SLC4A1: variants seen among roughly 807,000 people sequenced by gnomAD.
The protein encoded by SLC4A1 is band 3 anion transport protein.
In SLC4A1, 29 loss-of-function variants were observed where a neutral mutation model predicts 93.1. That is an observed-to-expected ratio of 0.31 (90% CI 0.23 to 0.42). The LOEUF (loss-of-function observed/expected upper bound fraction) is 0.42. Ranked by LOEUF, SLC4A1 falls within the 20% of genes least tolerant of loss-of-function variation. The probability of loss-of-function intolerance (pLI) is 1.00; values close to 1 mark genes in which losing one functional copy is unlikely to be tolerated. For missense variants in SLC4A1, 965 were observed against 1,190.1 expected (o/e 0.81, Z 2.78); for synonymous variants, 469 against 497.2 (o/e 0.94, Z 0.76).
Position 44,253,137 on chromosome 17 carries a change from G to A in SLC4A1, c.2292C>T (p.Leu764=). 7 of 1,612,720 alleles carry A rather than the reference G, an allele frequency of 4.3e-6. No homozygotes were observed. The highest frequency in any genetic ancestry group is 5.1e-6 in the Non-Finnish European group (6 of 1,180,034). ...ACTCACCCACAAGCACAGCGACCAG[G>A]AGTCCACTGATCCGCTGCTCTTTGA... is the stretch of plus-strand genomic sequence containing the variant. The part of the protein sequence containing the change: ...QEVKEQRISG[L]LVAVLVGLSI... The change falls in exon 17 of 20, where the codon CTC becomes CTT. Residue 764 remains leucine (L), a synonymous_variant. Transcript: ENST00000262418.
intron 6 of SLC4A1, 133 bp downstream of exon 6, chr17:44,260,271 C>T: frequency 8.7e-7 from 1 of 1,145,998 alleles, no homozygotes; most frequent in Non-Finnish European, 1.3e-6. Flanking sequence ...GAGATGGGAG[C>T]CATAGTGGAG....
chr17:44,259,294 CCTG>C lies in SLC4A1; in HGVS notation c.742_744del (p.Gln248del). ...TCCACCGCCTCCAGCTCCGCTGCCT[CCTG>C]CAGCCTCACGAAGCCCAGCACCGGC... On this transcript the variant is annotated inframe_deletion, in exon 9 of 20. Transcript: ENST00000262418. 6.2e-7 allele frequency: 1 copy of C among 1,613,960 alleles called. No individual in the cohort carries two copies. Among genetic ancestry groups the C allele is most frequent in the African/African-American group, 1.3e-5 (1 of 75,042 alleles).
intron 13 of SLC4A1, 51 bp from the exon 14 acceptor site, chr17:44,255,897 T>C: frequency 1.9e-6 from 3 of 1,573,546 alleles, no homozygotes; most frequent in Non-Finnish European, 2.6e-6. Flanking sequence ...TGGCTTGGGC[T>C]GGAAAATACC....
rs2047323946 is a variant in SLC4A1, at chr17:44,249,938, A to G, written c.*520T>C. 1 of 182,150 alleles carries G rather than the reference A, an allele frequency of 5.5e-6. No individual in the cohort carries two copies. The highest frequency in any genetic ancestry group is 2.4e-5 in the African/African-American group (1 of 42,472). 11.3% of individuals were successfully genotyped at this position (182,150 alleles called of 1,614,324 possible). On this transcript the variant is annotated 3_prime_UTR_variant, in exon 20 of 20. Coordinates refer to ENST00000262418, the MANE Select transcript of SLC4A1 (RefSeq NM_000342.4). ...CGTTCAAAGACAAATGATGACTGCTATAGAACAGTCCCTGTGGAGTTTACA... is the reference window on the plus strand; with the variant it reads ...CGTTCAAAGACAAATGATGACTGCTGTAGAACAGTCCCTGTGGAGTTTACA...
intron 7 of SLC4A1, 92 bp from the exon 8 acceptor site, chr17:44,259,673 C>T: frequency 6.5e-7 from 1 of 1,534,460 alleles, no homozygotes; most frequent in Admixed American, 1.7e-5. Flanking sequence ...CTTCCCAACT[C>T]TCCTGGCACC....
intron 16 of SLC4A1, 140 bp downstream of exon 16, chr17:44,254,356 C>G: frequency 1.3e-6 from 1 of 762,744 alleles, no homozygotes; most frequent in Non-Finnish European, 2.2e-6. Context: ...CCTGGCTTTT[C>G]ACTATTCCTG....
rs2144617146 is a variant in SLC4A1 at position 44,259,278 on chromosome 17, T to C, written c.761A>G (p.Glu254Gly). 13 of 1,613,928 alleles carry C rather than the reference T, an allele frequency of 8.1e-6. No homozygotes were observed. The highest frequency in any genetic ancestry group is 1.7e-4 in the Middle Eastern group (1 of 6,060). Reference protein sequence around the residue: ...FVRLQEAAELEAVELPVPIRF... With the variant: ...FVRLQEAAELGAVELPVPIRF... ...TATAGGCACCGGCAGCTCCACCGCC[T>C]CCAGCTCCGCTGCCTCCTGCAGCCT... Residue 254 changes from glutamate (E) to glycine (G), a missense_variant, in exon 9 of 20, where the codon GAG (glutamate) becomes GGG (glycine). Around this residue, in one of 2 missense-constraint regions of SLC4A1, gnomAD observed 770 missense variants for 1,006.6 expected, o/e 0.76. Transcript: ENST00000262418.
At position 44,261,632 on chromosome 17, in the gene SLC4A1, G is replaced by A. The variant is rs777896551; in HGVS notation, c.111C>T (p.His37=). 1.9e-5 allele frequency: 30 copies of A among 1,613,996 alleles called. No homozygotes were observed. The East Asian group carries it at 2.0e-4, about 11-fold the overall frequency. ...AGTCTGTGGCTGTTGCCTCGGTGTC[G>A]TGAGCTGAAAACCAGAGGTCGGTTA... The part of the protein sequence containing the change: ...PESQMEEPAA[H]DTEATATDYH... Residue 37 remains histidine, a synonymous_variant, in exon 4 of 20, where the codon CAC becomes CAT. Coordinates refer to ENST00000262418, the MANE Select transcript of SLC4A1 (RefSeq NM_000342.4).
At chr17:44,255,136 A>C in intron 15 of SLC4A1, 71 bp downstream of exon 15, 31 of 980,058 alleles carry the variant, frequency 3.2e-5, no homozygotes, top group Non-Finnish European at 4.4e-5. Flanking sequence ...ATTCTAGGGA[A>C]GGGGCATGCT....
intron 16 of SLC4A1, 77 bp downstream of exon 16, chr17:44,254,419 T>A: frequency 6.9e-7 from 1 of 1,442,254 alleles, no homozygotes; most frequent in Non-Finnish European, 9.6e-7. Flanking sequence ...CCTGGGTCTC[T>A]TGCCTGCCTG....
rs956174392 is a variant in SLC4A1, at chr17:44,248,630, G to C, written c.*1828C>G. 3 of 153,046 alleles carry C rather than the reference G, an allele frequency of 2.0e-5. No homozygotes were observed. The highest frequency in any genetic ancestry group is 4.4e-5 in the Non-Finnish European group (3 of 68,828). The allele number at this position is 153,046 out of a possible 1,614,324, so 9.5% of individuals were successfully genotyped here. On this transcript the variant is annotated 3_prime_UTR_variant, in exon 20 of 20. Coordinates refer to ENST00000262418, the MANE Select transcript of SLC4A1 (RefSeq NM_000342.4). ...CTCCTTTAATCCTTATAACAACACTGCAAGGTAGGTACCATTATCATCCCC... is the reference window on the plus strand; with the variant it reads ...CTCCTTTAATCCTTATAACAACACTCCAAGGTAGGTACCATTATCATCCCC...
intron 1 of SLC4A1, among the ~76,000 whole-genome samples, chr17:44,266,772 ACCTGGCCAGCTAGC>A (rs2047499431): frequency 6.6e-6 from 1 of 151,992 alleles, no homozygotes; most frequent in African/African-American, 2.4e-5. Flanking sequence ...TGCACCAAAC[ACCTGGCCAGCTAGC>A]CAGCTGGCCA....
intron 15 of SLC4A1, 70 bp downstream of exon 15, chr17:44,255,137 G>A: frequency 1.9e-6 from 2 of 1,060,776 alleles, no homozygotes; most frequent in Non-Finnish European, 2.8e-6. Context: ...TTCTAGGGAA[G>A]GGGCATGCTG....
At chr17:44,252,047 CTTTTTT>C (rs966641655) in intron 17 of SLC4A1, among the ~76,000 whole-genome samples, 4 of 69,130 alleles carry the variant, frequency 5.8e-5, no homozygotes, top group African/African-American at 2.1e-4. Flanking sequence ...TCCTATGGGT[CTTTTTT>C]TTTTTTTTTT....
Position 44,253,711 on chromosome 17 carries a change from G to A in SLC4A1, c.2058-340C>T, listed in dbSNP as rs150928530. 6.2e-3 allele frequency among the ~76,000 whole-genome samples: 934 copies of A among 151,552 alleles called. 8 individuals are homozygous for A. Among genetic ancestry groups the A allele is most frequent in the African/African-American group, 0.021 (855 of 41,280 alleles). The stretch of plus-strand genomic sequence containing the variant: ...TTTTTTCCTAGAGTCTTGCTCTGTC[G>A]CCCAGGCTGGAGTGCAGTGGTGCGA... On this transcript the variant is annotated intron_variant, in intron 16 of 19. Coordinates refer to ENST00000262418, the MANE Select transcript of SLC4A1 (RefSeq NM_000342.4).
chr17:44,259,015 C>T, intron 9 of SLC4A1, 148 bp downstream of exon 9: 1 of 862,362 alleles, frequency 1.2e-6, no homozygotes, highest in South Asian at 1.6e-5. Context: ...CCCGACTGCC[C>T]CCGCCAGGTA....
At position 44,250,351 on chromosome 17, in the gene SLC4A1, G is replaced by C. The variant is rs1402026732; in HGVS notation, c.*107C>G. 2.1e-6 allele frequency: 2 copies of C among 931,172 alleles called. No homozygotes were observed. The highest frequency in any genetic ancestry group is 4.9e-5 in the East Asian group (2 of 40,668). 57.7% of individuals were successfully genotyped at this position (931,172 alleles called of 1,614,324 possible). A position where few individuals can be genotyped will look rare whatever the true frequency, so the allele number is the denominator to read the frequency against. ...CCACAGCCCTGGGGCCTCAGCTGCT[G>C]CTCCAGGAGGATCCTGGAGTCCATG... On this transcript the variant is annotated 3_prime_UTR_variant, in exon 20 of 20. Transcript: ENST00000262418.
At position 44,250,546 on chromosome 17, in the gene SLC4A1, G is replaced by A. The variant is rs1567827415; in HGVS notation, c.2656-8C>T. On this transcript the variant is annotated splice_polypyrimidine_tract_variant and splice_region_variant and intron_variant, in intron 19 of 19. Transcript: ENST00000262418. ...GGCATCATCAGCATCCAGCTGGAGGGGAGGGACAGGAGAGAGACAGGGTGA... is the reference window on the plus strand; with the variant it reads ...GGCATCATCAGCATCCAGCTGGAGGAGAGGGACAGGAGAGAGACAGGGTGA... The A allele has an allele frequency of 1.2e-6, 2 of 1,611,430 alleles. No homozygotes were observed.
chr17:44,259,939 G>A lies in SLC4A1; in HGVS notation c.486-7C>T, dbSNP rs1215619494. On this transcript the variant is annotated splice_region_variant and splice_polypyrimidine_tract_variant and intron_variant, in intron 6 of 19. Transcript: ENST00000262418. ...CTCCAGCTCTCCAGCGTGGCTGCAG[G>A]ACGTACAGGGGACATGGGCTGAGTA... 2 of 1,613,702 alleles carry A rather than the reference G, an allele frequency of 1.2e-6. No homozygotes were observed. The highest frequency in any genetic ancestry group is 1.7e-6 in the Non-Finnish European group (2 of 1,180,024).
Sources: gnomAD v4.1 joint callset for allele counts (sites outside exome capture counted in the v4.1 genomes callset) on GRCh38, gnomAD v4.1.1 for gene constraint, gnomAD v4.1.1 regional missense constraint, MANE v1.5 for transcripts, NCBI Gene and HGNC (gene_info 2026-07-23, HGNC 2026-07-21) for gene names.